The following SRGAP1 variants were observed in gnomAD, a reference collection of about 807,000 sequenced individuals.
The protein encoded by SRGAP1 is SLIT-ROBO Rho GTPase activating protein 1, also known as SLIT-ROBO Rho GTPase-activating protein 1.
Under a neutral mutation model 121.9 loss-of-function variants are expected in SRGAP1, and 43 were observed. The ratio of observed to expected loss-of-function variants is 0.35; its 90% CI spans 0.28 to 0.46. SRGAP1 has a LOEUF of 0.46. SRGAP1 is among the 20% of genes least tolerant of loss of function. The probability of loss-of-function intolerance (pLI) is 1.00; values close to 1 mark genes in which losing one functional copy is unlikely to be tolerated. For missense variants in SRGAP1, 1,102 were observed against 1,350.9 expected (o/e 0.82, Z 2.89); for synonymous variants, 447 against 485.4 (o/e 0.92, Z 1.04).
chr12:64,094,476 C>T (rs2036116182), intron 12 of SRGAP1, among the ~76,000 whole-genome samples: 1 of 152,124 alleles, frequency 6.6e-6, no homozygotes, highest in Non-Finnish European at 1.5e-5. Flanking sequence ...TCATATTATG[C>T]ATCTATAGAT....
In SRGAP1 at chr12:64,160,379, T is replaced by G. The variant is rs1282536971; in HGVS notation, c.*17707T>G. The G allele has an allele frequency of 1.3e-5, 2 of 152,184 alleles. No homozygotes were observed. Among genetic ancestry groups the G allele is most frequent in the African/African-American group, 4.8e-5 (2 of 41,446 alleles). 9.4% of individuals were successfully genotyped at this position (152,184 alleles called of 1,614,324 possible). On this transcript the variant is annotated 3_prime_UTR_variant, in exon 22 of 22. Transcript: ENST00000355086. ...ATGTAATTGTGATAGTCTGGCTGAG[T>G]ATAAAATCTTACTTAGGATGTTAAC... is the stretch of plus-strand genomic sequence containing the variant.
At chr12:64,114,331 CTTTTTTTTTTT>C (rs957049187) in intron 17 of SRGAP1, among the ~76,000 whole-genome samples, 2 of 89,252 alleles carry the variant, frequency 2.2e-5, no homozygotes, top group South Asian at 7.7e-4. Flanking sequence ...ATATGGTTAG[CTTTTTTTTTTT>C]TTTTTTTTTT....
rs542140075 is a variant in SRGAP1, at chr12:64,078,820, G to A, written c.1126-99G>A. ...ATAGACTGTGAATTTGGCGGGGGCA[G>A]GCCCTGTGTCCTCATCTCTACCTGA... On this transcript the variant is annotated intron_variant, in intron 8 of 21. Coordinates refer to ENST00000355086, the MANE Select transcript of SRGAP1 (RefSeq NM_020762.4). 4.3e-4 allele frequency: 532 copies of A among 1,250,186 alleles called. 3 individuals are homozygous for A. In the South Asian group the frequency reaches 6.9e-3, roughly 16 times the overall value. 77.4% of individuals were successfully genotyped at this position (1,250,186 alleles called of 1,614,324 possible).
Position 63,977,675 on chromosome 12 carries a change from C to CT in SRGAP1, c.68-6263dup, listed in dbSNP as rs201134788. 7.3e-3 allele frequency among the ~76,000 whole-genome samples: 1,097 copies of CT among 150,942 alleles called. 19 individuals are homozygous for CT. Among genetic ancestry groups the CT allele is most frequent in the African/African-American group, 0.025 (1,009 of 41,176 alleles). On this transcript the variant is annotated intron_variant, in intron 1 of 21. Coordinates refer to ENST00000355086, the MANE Select transcript of SRGAP1 (RefSeq NM_020762.4). ...TTATAGCTGAGAGGAACCATTTTTT[C>CT]TTTTTTTTTAACAAATTAATTGCAG... is the stretch of plus-strand genomic sequence containing the variant.
chr12:63,887,874 A>G (rs1357609463), intron 1 of SRGAP1: 1 of 152,250 alleles, frequency 6.6e-6, no homozygotes, highest in Non-Finnish European at 1.5e-5. Flanking sequence ...TTCTTGTTCC[A>G]AGTCATGATC....
chr12:64,110,083 A>G (rs947576225), intron 16 of SRGAP1, among the ~76,000 whole-genome samples: 5 of 152,198 alleles, frequency 3.3e-5, no homozygotes, highest in Admixed American at 1.3e-4. Flanking sequence ...AGTTTAAACT[A>G]TGGTTAGGCT....
chr12:64,002,909 G>A (rs2033945741), intron 3 of SRGAP1, among the ~76,000 whole-genome samples: 1 of 151,468 alleles, frequency 6.6e-6, no homozygotes, highest in Non-Finnish European at 1.5e-5. Flanking sequence ...AGCATACAAA[G>A]AACCAGATAA....
intron 1 of SRGAP1, among the ~76,000 whole-genome samples, chr12:63,866,872 C>CTT (rs796830805): frequency 3.5e-5 from 5 of 141,136 alleles, no homozygotes; most frequent in Non-Finnish European, 6.2e-5. Flanking sequence ...CATAACATTT[C>CTT]TTTTTTTTTT....
At chr12:63,911,022 A>G (rs2030467491) in intron 1 of SRGAP1, among the ~76,000 whole-genome samples, 2 of 152,098 alleles carry the variant, frequency 1.3e-5, no homozygotes, top group Admixed American at 1.3e-4. Flanking sequence ...CACTTTGGCC[A>G]GGTGCGGTGG....
At chr12:63,959,255 T>C (rs2032563510) in intron 1 of SRGAP1, among the ~76,000 whole-genome samples, 1 of 152,240 alleles carries the variant, frequency 6.6e-6, no homozygotes, top group African/African-American at 2.4e-5. Context: ...AAATAAGTTC[T>C]GATTTGCAAA....
At chr12:63,953,086 A>G (rs939847542) in intron 1 of SRGAP1, among the ~76,000 whole-genome samples, 1 of 152,216 alleles carries the variant, frequency 6.6e-6, no homozygotes, top group Non-Finnish European at 1.5e-5. Context: ...CACAAATAGT[A>G]AGTGGCAGAG....
chr12:64,153,511 T>TAA lies in SRGAP1; in HGVS notation c.*10840_*10841dup, dbSNP rs2037139597. The TAA allele has an allele frequency of 6.6e-6, 1 of 151,532 alleles. No homozygotes were observed. The highest frequency in any genetic ancestry group is 2.4e-5 in the African/African-American group (1 of 41,182). The allele number at this position is 151,532 out of a possible 1,614,324, so 9.4% of individuals were successfully genotyped here. A position where few individuals can be genotyped will look rare whatever the true frequency, so the allele number is the denominator to read the frequency against. On this transcript the variant is annotated 3_prime_UTR_variant, in exon 22 of 22. Coordinates refer to ENST00000355086, the MANE Select transcript of SRGAP1 (RefSeq NM_020762.4). Reference sequence around the variant, plus strand: ...AAAGTAAGGTACTTAGATGTCATTCTAAGTTCAAGGAAAGCCATTGGAAGT... The same window carrying TAA: ...AAAGTAAGGTACTTAGATGTCATTCTAAAAGTTCAAGGAAAGCCATTGGAAGT...
intron 1 of SRGAP1, among the ~76,000 whole-genome samples, chr12:63,909,499 C>A (rs1471968615): frequency 6.6e-6 from 1 of 152,204 alleles, no homozygotes; most frequent in African/African-American, 2.4e-5. Context: ...GTAACAGATT[C>A]CCAGGGTATA....
chr12:63,940,977 G>T (rs1330919973), intron 1 of SRGAP1, among the ~76,000 whole-genome samples: 1 of 152,072 alleles, frequency 6.6e-6, no homozygotes, highest in Non-Finnish European at 1.5e-5. Flanking sequence ...ATGAGAGCTG[G>T]GATTGTTTCT....
chr12:64,126,144 G>A lies in SRGAP1; in HGVS notation c.2392G>A (p.Val798Met), dbSNP rs1257176111. 1 of 1,613,954 alleles carries A rather than the reference G, an allele frequency of 6.2e-7. No individual in the cohort carries two copies. Among genetic ancestry groups the A allele is most frequent in the East Asian group, 2.2e-5 (1 of 44,884 alleles). ...IDGLVPHQYIVVQDMDDTFSD... is the reference protein window; with the variant it reads ...IDGLVPHQYIMVQDMDDTFSD... ...CGGGCTGGTGCCTCACCAGTATATAGTGGTGCAGGATATGTGAGTAGTCTC... is the reference window on the plus strand; with the variant it reads ...CGGGCTGGTGCCTCACCAGTATATAATGGTGCAGGATATGTGAGTAGTCTC... Residue 798 changes from valine to methionine, a missense_variant, in exon 19 of 22, where the codon GTG becomes ATG. This residue lies in a region of SRGAP1 where 40 missense variants were observed against 78.4 expected (regional missense o/e 0.51). Coordinates refer to ENST00000355086, the MANE Select transcript of SRGAP1 (RefSeq NM_020762.4).
chr12:64,131,123 C>T (rs1343709577), intron 21 of SRGAP1, among the ~76,000 whole-genome samples: 1 of 152,218 alleles, frequency 6.6e-6, no homozygotes, highest in African/African-American at 2.4e-5. Context: ...TGAGCAAGAA[C>T]AGGGGTGGCT....
chr12:64,044,148 G>T (rs2035078897), intron 6 of SRGAP1, among the ~76,000 whole-genome samples: 1 of 152,118 alleles, frequency 6.6e-6, no homozygotes. Flanking sequence ...CAGTAATTAG[G>T]TTTATTTAGA....
At chr12:64,021,994 T>C (rs150611102) in intron 4 of SRGAP1, among the ~76,000 whole-genome samples, 203 of 152,340 alleles carry the variant, frequency 1.3e-3, no homozygotes, top group Middle Eastern at 3.4e-3. Flanking sequence ...AGGGACACCA[T>C]TGTGCTATCA....
chr12:63,945,256 T>C (rs2136355174), intron 1 of SRGAP1, among the ~76,000 whole-genome samples: 1 of 151,760 alleles, frequency 6.6e-6, no homozygotes, highest in Admixed American at 6.6e-5. Flanking sequence ...TCCTCTTTTG[T>C]CTTTCTGTTT....
Sources: gnomAD v4.1 joint callset for allele counts (sites outside exome capture counted in the v4.1 genomes callset) on GRCh38, gnomAD v4.1.1 for gene constraint, gnomAD v4.1.1 regional missense constraint, MANE v1.5 for transcripts, NCBI Gene and HGNC (gene_info 2026-07-23, HGNC 2026-07-21) for gene names.